The following TSPEAR variants were observed in gnomAD, a reference collection of about 807,000 sequenced individuals.
TSPEAR encodes the protein thrombospondin type laminin G domain and EAR repeats, also known as thrombospondin-type laminin G domain and EAR repeat-containing protein.
In TSPEAR, 69 loss-of-function variants were observed where a neutral mutation model predicts 71.6. That is an observed-to-expected ratio of 0.96 (90% CI 0.79 to 1.18). The LOEUF (loss-of-function observed/expected upper bound fraction) is 1.18. Among genes scored for constraint, TSPEAR ranks in the 50% most tolerant of loss-of-function variants. The pLI is 0.00. For missense variants in TSPEAR, 971 were observed against 894.9 expected (o/e 1.09, Z -1.09); for synonymous variants, 402 against 387.2 (o/e 1.04, Z -0.45).
In TSPEAR at chr21:44,574,189, C is replaced by T. The variant is rs782109630; in HGVS notation, c.83-6184G>A. Reference sequence around the variant, plus strand: ...TGCCAGCAGTCTAGCTGCCAGTCAGCTTGCTGCACCTCCTCCCCCTGCCAG... The same window carrying T: ...TGCCAGCAGTCTAGCTGCCAGTCAGTTTGCTGCACCTCCTCCCCCTGCCAG... On this transcript the variant is annotated intron_variant, in intron 1 of 11. Coordinates refer to ENST00000323084, the MANE Select transcript of TSPEAR (RefSeq NM_144991.3). 9.3e-6 allele frequency: 15 copies of T among 1,613,430 alleles called. No homozygotes were observed. The South Asian group carries it at 1.4e-4, about 15-fold the overall frequency.
At chr21:44,553,324 C>T (rs1746205126) in intron 2 of TSPEAR, among the ~76,000 whole-genome samples, 1 of 152,136 alleles carries the variant, frequency 6.6e-6, no homozygotes, top group African/African-American at 2.4e-5. Context: ...ACATTCTCAA[C>T]CAGTGAGTCT....
At chr21:44,624,201 T>C (rs1193593193) in intron 1 of TSPEAR, among the ~76,000 whole-genome samples, 4 of 152,260 alleles carry the variant, frequency 2.6e-5, no homozygotes, top group African/African-American at 9.6e-5. Context: ...GCTAATCTAC[T>C]TAGTTCTTAA....
intron 2 of TSPEAR, among the ~76,000 whole-genome samples, chr21:44,547,828 C>T (rs1459178865): frequency 6.6e-6 from 1 of 152,026 alleles, no homozygotes; most frequent in Admixed American, 6.5e-5. Flanking sequence ...CTTGCACCTT[C>T]CCTTCCTGCT....
intron 1 of TSPEAR, chr21:44,666,617 G>T (rs781879082): frequency 6.2e-7 from 1 of 1,614,164 alleles, no homozygotes; most frequent in Non-Finnish European, 8.5e-7. Flanking sequence ...CAATGGGCCT[G>T]CAGCTCACAG....
At position 44,498,273 on chromosome 21, in the gene TSPEAR, G is replaced by T. The variant is rs1306186049; in HGVS notation, c.*1510C>A. The T allele has an allele frequency of 7.9e-5, 12 of 152,260 alleles. 1 individual carries two copies. Among genetic ancestry groups the T allele is most frequent in the Non-Finnish European group, 2.9e-5 (2 of 68,076 alleles). 9.4% of individuals were successfully genotyped at this position (152,260 alleles called of 1,614,324 possible). Reference sequence around the variant, plus strand: ...TCTTGGTTGAGTGAATTGGGGTGTCGAGTTTTTAATCTTCCTTTCACAGGT... The same window carrying T: ...TCTTGGTTGAGTGAATTGGGGTGTCTAGTTTTTAATCTTCCTTTCACAGGT... On this transcript the variant is annotated 3_prime_UTR_variant, in exon 12 of 12. Transcript: ENST00000323084.
chr21:44,540,338 G>T, intron 2 of TSPEAR: 1 of 947,890 alleles, frequency 1.1e-6, no homozygotes. Flanking sequence ...GGTGGCGTGT[G>T]TCATGACTAG....
chr21:44,516,630 T>G (rs1469725816), intron 9 of TSPEAR: 9 of 152,226 alleles, frequency 5.9e-5, no homozygotes, highest in African/African-American at 2.2e-4. Flanking sequence ...GGTCCTGACC[T>G]TACGGTAATG....
chr21:44,557,134 T>C (rs1208491062), intron 2 of TSPEAR, among the ~76,000 whole-genome samples: 2 of 152,160 alleles, frequency 1.3e-5, no homozygotes, highest in Non-Finnish European at 1.5e-5. Context: ...ACGCCACGCA[T>C]CTCATTCCTG....
At position 44,499,608 on chromosome 21, in the gene TSPEAR, T is replaced by G; in HGVS notation, c.*175A>C. 1 of 606,990 alleles carries G rather than the reference T, an allele frequency of 1.6e-6. No homozygotes were observed. The highest frequency in any genetic ancestry group is 3.5e-5 in the Admixed American group (1 of 28,496). 37.6% of individuals were successfully genotyped at this position (606,990 alleles called of 1,614,324 possible). On this transcript the variant is annotated 3_prime_UTR_variant, in exon 12 of 12. Transcript: ENST00000323084. ...GCTGTGGCTCAGAAGGACTCAGAGG[T>G]GGATGGATGTCCCTGCCCGAACCAG...
At chr21:44,676,245 T>C in intron 1 of TSPEAR, 5 of 1,298,048 alleles carry the variant, frequency 3.9e-6, no homozygotes, top group Non-Finnish European at 5.6e-6. Context: ...AAAAGCGGAC[T>C]CTAAGGGTCT....
intron 1 of TSPEAR, among the ~76,000 whole-genome samples, chr21:44,703,789 G>A (rs532771677): frequency 3.0e-4 from 45 of 152,246 alleles, no homozygotes; most frequent in Admixed American, 1.5e-3. Context: ...TTTGGGGCCA[G>A]TGTTTCCAGG....
intron 1 of TSPEAR, chr21:44,697,387 C>G (rs1555950790): frequency 6.2e-7 from 1 of 1,613,542 alleles, no homozygotes; most frequent in East Asian, 2.2e-5. Flanking sequence ...CCAGCCCCTG[C>G]TGCCGAGTGA....
intron 1 of TSPEAR, among the ~76,000 whole-genome samples, chr21:44,637,190 G>T (rs1555936860): frequency 1.3e-5 from 2 of 152,210 alleles, no homozygotes; most frequent in African/African-American, 2.4e-5. Flanking sequence ...CCAGCCAAGT[G>T]TTAGGAGCAG....
At chr21:44,587,397 AC>A (rs1286144186) in intron 1 of TSPEAR, among the ~76,000 whole-genome samples, 2 of 152,216 alleles carry the variant, frequency 1.3e-5, no homozygotes, top group Admixed American at 1.3e-4. Context: ...GACAACACAA[AC>A]AAATGGAAAC....
Position 44,504,775 on chromosome 21 carries a change from A to G in TSPEAR, c.1856+5T>C. On this transcript the variant is annotated splice_donor_5th_base_variant and intron_variant, in intron 11 of 11. Coordinates refer to ENST00000323084, the MANE Select transcript of TSPEAR (RefSeq NM_144991.3). ...GGGAGGAGGCCGGCCTCGGCAGCTCATTACCTGTAAATAATACTGTTCACC... is the reference window on the plus strand; with the variant it reads ...GGGAGGAGGCCGGCCTCGGCAGCTCGTTACCTGTAAATAATACTGTTCACC... 1 of 1,610,810 alleles carries G rather than the reference A, an allele frequency of 6.2e-7. No homozygotes were observed. The highest frequency in any genetic ancestry group is 8.5e-7 in the Non-Finnish European group (1 of 1,177,320).
intron 1 of TSPEAR, among the ~76,000 whole-genome samples, chr21:44,609,581 A>C (rs1555930472): frequency 6.6e-6 from 1 of 152,212 alleles, no homozygotes; most frequent in African/African-American, 2.4e-5. Context: ...CACACATAAG[A>C]CAGCTCTGAG....
chr21:44,599,020 G>A (rs1555927959), intron 1 of TSPEAR, among the ~76,000 whole-genome samples: 1 of 152,126 alleles, frequency 6.6e-6, no homozygotes, highest in African/African-American at 2.4e-5. Flanking sequence ...TCTTTTAGGA[G>A]AGCTTTAAAG....
chr21:44,541,323 G>A (rs1286209462), intron 2 of TSPEAR, among the ~76,000 whole-genome samples: 2 of 152,212 alleles, frequency 1.3e-5, no homozygotes, highest in African/African-American at 4.8e-5. Flanking sequence ...ATTCCATTGT[G>A]CCACCTTTTT....
intron 1 of TSPEAR, among the ~76,000 whole-genome samples, chr21:44,670,799 G>A (rs782140384): frequency 1.3e-5 from 2 of 152,276 alleles, no homozygotes; most frequent in Admixed American, 6.5e-5. Context: ...TCTGCATCCT[G>A]CCCTGGGGCC....
Sources: allele counts gnomAD v4.1 joint callset (sites outside exome capture counted in the v4.1 genomes callset), GRCh38; gene constraint gnomAD v4.1.1; transcripts MANE v1.5; gene names NCBI Gene and HGNC (gene_info 2026-07-23, HGNC 2026-07-21).